The following MINK1 variants were observed in gnomAD, a reference collection of about 807,000 sequenced individuals.
MINK1 encodes misshapen like kinase 1.
In MINK1, 46 loss-of-function variants were observed where a neutral mutation model predicts 178.4. That is an observed-to-expected ratio of 0.26 (90% CI 0.20 to 0.33). The LOEUF is 0.33. Among genes scored for constraint, MINK1 ranks in the 10% least tolerant of loss-of-function variants. MINK1 has a pLI of 1.00. For missense variants in MINK1, 1,366 were observed against 1,814.9 expected (o/e 0.75, Z 4.49); for synonymous variants, 797 against 709.7 (o/e 1.12, Z -1.96).
intron 1 of MINK1, among the ~76,000 whole-genome samples, chr17:4,859,642 G>C (rs1231339383): frequency 6.6e-6 from 1 of 151,822 alleles, no homozygotes; most frequent in Non-Finnish European, 1.5e-5. Context: ...ACAAAAATTA[G>C]CTGGGTGTGG....
At chr17:4,863,268 A>T (rs1347438787) in intron 1 of MINK1, among the ~76,000 whole-genome samples, 2 of 151,804 alleles carry the variant, frequency 1.3e-5, no homozygotes, top group Non-Finnish European at 2.9e-5. Context: ...CTCTCCTTCC[A>T]TGTCTGCTGT....
chr17:4,875,495 G>C (rs1012829744), intron 1 of MINK1: 1 of 453,682 alleles, frequency 2.2e-6, no homozygotes, highest in African/African-American at 2.0e-5. Context: ...AAATGAGGCC[G>C]TGCGCAGTGG....
intron 1 of MINK1, chr17:4,847,305 C>G (rs1911201585): frequency 2.2e-6 from 1 of 449,290 alleles, no homozygotes; most frequent in South Asian, 1.6e-5. Flanking sequence ...GTGGCGCAGT[C>G]TCAGCTCACT....
intron 15 of MINK1, 105 bp downstream of exon 15, chr17:4,891,229 C>T (rs986756186): frequency 8.5e-7 from 1 of 1,174,380 alleles, no homozygotes; most frequent in South Asian, 1.6e-5. Flanking sequence ...CACACACCTG[C>T]TCAGCCGTGA....
intron 1 of MINK1, among the ~76,000 whole-genome samples, chr17:4,876,447 C>G (rs1967192067): frequency 6.6e-6 from 1 of 152,204 alleles, no homozygotes; most frequent in African/African-American, 2.4e-5. Flanking sequence ...GGAAAAAGTG[C>G]ACAGTGAGGA....
intron 1 of MINK1, among the ~76,000 whole-genome samples, chr17:4,841,171 C>T (rs1408942561): frequency 2.6e-5 from 4 of 152,146 alleles, no homozygotes; most frequent in African/African-American, 7.2e-5. Flanking sequence ...AGTATGTACA[C>T]GTAGCACCAA....
At position 4,895,848 on chromosome 17, in the gene MINK1, C is replaced by A; in HGVS notation, c.3364+16C>A. ...TACCGTGTTGGTGAGGATGTCCCAA[C>A]AGAGTGGCCAGCGCATACTTGTTCA... is the stretch of plus-strand genomic sequence containing the variant. On this transcript the variant is annotated intron_variant, in intron 27 of 31. Coordinates refer to ENST00000355280, the MANE Select transcript of MINK1 (RefSeq NM_153827.5). The surrounding 1 kb of genome is among the most constrained non-coding windows in gnomAD (Gnocchi z 4.3). 6.2e-7 allele frequency: 1 copy of A among 1,612,114 alleles called. No individual in the cohort carries two copies. Among genetic ancestry groups the A allele is most frequent in the Non-Finnish European group, 8.5e-7 (1 of 1,178,972 alleles).
rs201305810 is a variant in MINK1 at position 4,893,496 on chromosome 17, G to A, written c.2463G>A (p.Met821Ile). The A allele has an allele frequency of 1.2e-6, 2 of 1,600,190 alleles. No individual in the cohort carries two copies. The highest frequency in any genetic ancestry group is 2.2e-5 in the South Asian group (2 of 90,654). The change falls in exon 21 of 32, where the codon ATG becomes ATA. Residue 821 changes from methionine to isoleucine, a missense_variant. Physicochemically the swap from Met to Ile is conservative, Grantham distance 10. Coordinates refer to ENST00000355280, the MANE Select transcript of MINK1 (RefSeq NM_153827.5). ...DEAPRPPKKA[M>I]DYSSSSEEVE... ...CCCCTCGGCCTCCCAAGAAGGCCAT[G>A]GACTACTCGTCGTCCAGCGAGGAGG... is the stretch of plus-strand genomic sequence containing the variant.
At position 4,889,666 on chromosome 17, in the gene MINK1, A is replaced by G; in HGVS notation, c.1250A>G (p.Glu417Gly). 6.4e-7 allele frequency: 1 copy of G among 1,563,858 alleles called. No individual in the cohort carries two copies. Among genetic ancestry groups the G allele is most frequent in the Non-Finnish European group, 8.7e-7 (1 of 1,155,910 alleles). The change falls in exon 13 of 32, where the codon GAG becomes GGG. Residue 417 changes from glutamate to glycine, a missense_variant. Physicochemically the swap from Glu to Gly is moderately conservative, Grantham distance 98 (BLOSUM62 -2). Transcript: ENST00000355280. The stretch of plus-strand genomic sequence containing the variant: ...CCACAGCAACAGCGGCGGGAGCGGG[A>G]GCAGCGGAAGCTGCAGGAGAAGGAG... ...RVEEQQRRER[E>G]QRKLQEKEQQ... is the part of the protein sequence containing the mutation.
chr17:4,861,432 C>G (rs533371080), intron 1 of MINK1, among the ~76,000 whole-genome samples: 1 of 152,268 alleles, frequency 6.6e-6, no homozygotes, highest in South Asian at 2.1e-4. Flanking sequence ...TTCCAGAGCC[C>G]CACCTTTCAA....
chr17:4,892,376 T>G, intron 17 of MINK1, 26 bp from the exon 18 acceptor site: 74 of 690,776 alleles, frequency 1.1e-4, no homozygotes, highest in Non-Finnish European at 1.4e-4. Flanking sequence ...CGCCGCCCCC[T>G]CGGCACCCCT....
At chr17:4,869,080 C>G (rs978967568) in intron 1 of MINK1, among the ~76,000 whole-genome samples, 6 of 151,970 alleles carry the variant, frequency 3.9e-5, no homozygotes, top group Non-Finnish European at 7.4e-5. Flanking sequence ...CCAGCCACCA[C>G]GCCCGGCTAA....
chr17:4,873,617 CTTTTT>C (rs71367860), intron 1 of MINK1, among the ~76,000 whole-genome samples: 14 of 108,066 alleles, frequency 1.3e-4, no homozygotes, highest in African/African-American at 4.6e-4. Flanking sequence ...TTTTTCTTTT[CTTTTT>C]TTTTTTTTTT....
Position 4,894,433 on chromosome 17 carries a change from A to G in MINK1, c.2809-92A>G. On this transcript the variant is annotated intron_variant, in intron 23 of 31. Transcript: ENST00000355280. This position sits in a 1 kb window ranked among gnomAD's most constrained non-coding sequence, Gnocchi z 4.1. The stretch of plus-strand genomic sequence containing the variant: ...CTGGGAGCTGGACAGCGGGGGTGCC[A>G]GTTGGGGAGCTGGAGCCTGGGGAAC... The G allele has an allele frequency of 1.3e-6, 2 of 1,521,930 alleles. No homozygotes were observed. Among genetic ancestry groups the G allele is most frequent in the Non-Finnish European group, 1.8e-6 (2 of 1,121,568 alleles). 94.3% of individuals were successfully genotyped at this position (1,521,930 alleles called of 1,614,324 possible).
intron 13 of MINK1, 169 bp from the exon 14 acceptor site, chr17:4,890,348 A>G: frequency 7.0e-7 from 1 of 1,430,946 alleles, no homozygotes; most frequent in African/African-American, 1.4e-5. Flanking sequence ...GATGCTTTTC[A>G]GAGCTTCTTT....
chr17:4,858,510 T>C (rs947894351), intron 1 of MINK1, among the ~76,000 whole-genome samples: 2 of 151,164 alleles, frequency 1.3e-5, no homozygotes, highest in African/African-American at 4.9e-5. Flanking sequence ...GAGGTCTTGC[T>C]CTGTTGCCCA....
intron 2 of MINK1, 93 bp from the exon 3 acceptor site, chr17:4,880,891 C>A (rs1227987183): frequency 3.1e-6 from 4 of 1,278,666 alleles, no homozygotes; most frequent in South Asian, 1.6e-5. Flanking sequence ...CAGAGCGAGA[C>A]CCTGTCTCAA....
intron 1 of MINK1, among the ~76,000 whole-genome samples, chr17:4,848,917 A>T (rs750477146): frequency 1.2e-4 from 19 of 152,254 alleles, no homozygotes; most frequent in Non-Finnish European, 2.6e-4. Context: ...CTCATTAGAC[A>T]GGTGGTAGCT....
In MINK1 at chr17:4,886,698, C is replaced by A; in HGVS notation, c.949+72C>A. 1 of 1,434,418 alleles carries A rather than the reference C, an allele frequency of 7.0e-7. No individual in the cohort carries two copies. Among genetic ancestry groups the A allele is most frequent in the South Asian group, 1.4e-5 (1 of 69,076 alleles). The allele number at this position is 1,434,418 out of a possible 1,614,324, so 88.9% of individuals were successfully genotyped here. Reference sequence around the variant, plus strand: ...CTGGCTCCTCTCTGCCAGCCCTGCTCGCTCCTGGCACCCCTTCCTGCTCCC... The same window carrying A: ...CTGGCTCCTCTCTGCCAGCCCTGCTAGCTCCTGGCACCCCTTCCTGCTCCC... On this transcript the variant is annotated intron_variant, in intron 10 of 31. Coordinates refer to ENST00000355280, the MANE Select transcript of MINK1 (RefSeq NM_153827.5). The surrounding 1 kb of genome is among the most constrained non-coding windows in gnomAD (Gnocchi z 6.1).
Sources: gnomAD v4.1 joint callset for allele counts (sites outside exome capture counted in the v4.1 genomes callset) on GRCh38, gnomAD v4.1.1 for gene constraint, Gnocchi (gnomAD v3.1) non-coding constraint, MANE v1.5 for transcripts, NCBI Gene and HGNC (gene_info 2026-07-23, HGNC 2026-07-21) for gene names.